The following KCNIP4 variants were observed in gnomAD, a reference collection of about 807,000 sequenced individuals.
KCNIP4 encodes potassium voltage-gated channel interacting protein 4, also known as Kv channel-interacting protein 4.
In KCNIP4, 12 loss-of-function variants were observed where a neutral mutation model predicts 34.0. The ratio of observed to expected loss-of-function variants is 0.35; its 90% CI spans 0.23 to 0.57. The LOEUF is 0.57. KCNIP4 is among the 20% of genes least tolerant of loss of function. The probability of loss-of-function intolerance (pLI) is 0.83; values close to 1 mark genes in which losing one functional copy is unlikely to be tolerated. For synonymous variants in KCNIP4, 124 were observed against 102.2 expected (o/e 1.21, Z -1.29); for missense variants, 238 against 311.7 (o/e 0.76, Z 1.78).
At chr4:21,671,660 C>A (rs1415942918) in intron 1 of KCNIP4, among the ~76,000 whole-genome samples, 1 of 152,088 alleles carries the variant, frequency 6.6e-6, no homozygotes, top group Non-Finnish European at 1.5e-5. Context: ...ATTGATGGAG[C>A]CCCTATTCTG....
intron 1 of KCNIP4, among the ~76,000 whole-genome samples, chr4:21,308,490 C>T (rs1024784222): frequency 1.3e-5 from 2 of 152,098 alleles, no homozygotes; most frequent in Non-Finnish European, 2.9e-5. Flanking sequence ...TCCCCCACAT[C>T]CCAAAGCATC....
chr4:21,832,475 G>T (rs1723046068), intron 1 of KCNIP4, among the ~76,000 whole-genome samples: 1 of 152,074 alleles, frequency 6.6e-6, no homozygotes, highest in Admixed American at 6.6e-5. Flanking sequence ...GGGAAAAAAT[G>T]GTCCTGGGGC....
chr4:21,159,462 C>T lies in KCNIP4; in HGVS notation c.62-276753G>A, dbSNP rs1328575916. The stretch of plus-strand genomic sequence containing the variant: ...CTCCCAGCGTGAGCGACGCAGAAGA[C>T]GGTGATTTCTGCATTTCCATCTGAG... On this transcript the variant is annotated intron_variant, in intron 1 of 8. Coordinates refer to ENST00000382152, the MANE Select transcript of KCNIP4 (RefSeq NM_025221.6). 9.5e-5 allele frequency among the ~76,000 whole-genome samples: 2 copies of T among 21,124 alleles called. 1 individual carries two copies. The highest frequency in any genetic ancestry group is 2.0e-4 in the Non-Finnish European group (2 of 10,242). 13.9% of individuals were successfully genotyped at this position (21,124 alleles called of 152,430 possible).
intron 3 of KCNIP4, among the ~76,000 whole-genome samples, chr4:20,776,458 A>G (rs1364374918): frequency 6.6e-6 from 1 of 152,054 alleles, no homozygotes; most frequent in East Asian, 1.9e-4. Flanking sequence ...TCTCTGTACA[A>G]CCTCTCAAAA....
chr4:20,784,877 T>A (rs994457281), intron 3 of KCNIP4, among the ~76,000 whole-genome samples: 1 of 152,132 alleles, frequency 6.6e-6, no homozygotes, highest in Non-Finnish European at 1.5e-5. Context: ...AATTAAGAGC[T>A]GGGTGACTGC....
rs113381517 is a variant in KCNIP4 at position 21,697,501 on chromosome 4, T to C, written c.61+251070A>G. ...TCTTTGCCAATAATAATAATAATAATAATAAAAAGAGAGTCTCTGAGGAGA... is the reference window on the plus strand; with the variant it reads ...TCTTTGCCAATAATAATAATAATAACAATAAAAAGAGAGTCTCTGAGGAGA... On this transcript the variant is annotated intron_variant, in intron 1 of 8. Transcript: ENST00000382152. The C allele has an allele frequency of 2.4e-3, 3,539 of 1,502,166 alleles. 87 individuals carry two copies. In the African/African-American group the frequency reaches 0.046, roughly 19 times the overall value. The allele number at this position is 1,502,166 out of a possible 1,614,324, so 93.1% of individuals were successfully genotyped here.
intron 1 of KCNIP4, among the ~76,000 whole-genome samples, chr4:21,654,251 A>G (rs1210751261): frequency 2.0e-5 from 3 of 152,196 alleles, no homozygotes; most frequent in Non-Finnish European, 2.9e-5. Context: ...CAGCCCTCAG[A>G]GTATCATATA....
intron 1 of KCNIP4, among the ~76,000 whole-genome samples, chr4:21,684,007 G>GA (rs1393993651): frequency 1.3e-5 from 2 of 151,868 alleles, no homozygotes; most frequent in African/African-American, 2.4e-5. Flanking sequence ...GAGAGGAGCA[G>GA]AAAAAATAAC....
chr4:21,048,985 C>T (rs1047954815), intron 1 of KCNIP4, among the ~76,000 whole-genome samples: 75 of 128,926 alleles, frequency 5.8e-4, no homozygotes, highest in Non-Finnish European at 9.6e-4. Flanking sequence ...GAGTCTCGCT[C>T]TGTCGCCCAG....
chr4:21,879,592 A>C (rs1037106376), intron 1 of KCNIP4, among the ~76,000 whole-genome samples: 1 of 152,232 alleles, frequency 6.6e-6, no homozygotes, highest in African/African-American at 2.4e-5. Flanking sequence ...TATTGTAAAG[A>C]TGTAGAAAAC....
chr4:21,038,140 G>A (rs1741620362), intron 1 of KCNIP4, among the ~76,000 whole-genome samples: 2 of 152,080 alleles, frequency 1.3e-5, no homozygotes, highest in Admixed American at 6.5e-5. Flanking sequence ...ACCACGCCCA[G>A]CTAACTTTTT....
chr4:20,989,293 T>C (rs558587583), intron 1 of KCNIP4, among the ~76,000 whole-genome samples: 6 of 152,276 alleles, frequency 3.9e-5, no homozygotes, highest in Middle Eastern at 3.4e-3. Context: ...CATACAATCT[T>C]TTAGGAATCA....
chr4:21,504,196 A>G (rs1324905684), intron 1 of KCNIP4, among the ~76,000 whole-genome samples: 1 of 152,078 alleles, frequency 6.6e-6, no homozygotes, highest in Admixed American at 6.6e-5. Flanking sequence ...GGCTAGGTGC[A>G]GTGGCTCATG....
At chr4:21,820,071 G>A (rs1002037378) in intron 1 of KCNIP4, among the ~76,000 whole-genome samples, 1 of 151,596 alleles carries the variant, frequency 6.6e-6, no homozygotes, top group African/African-American at 2.4e-5. Flanking sequence ...CACTCTATTA[G>A]TTTGGGTTAG....
At chr4:21,536,240 G>A (rs1483835242) in intron 1 of KCNIP4, among the ~76,000 whole-genome samples, 4 of 152,138 alleles carry the variant, frequency 2.6e-5, no homozygotes, top group Non-Finnish European at 4.4e-5. Flanking sequence ...CTGAGGCTAC[G>A]TATTTGAGAT....
intron 3 of KCNIP4, among the ~76,000 whole-genome samples, chr4:20,821,474 G>C (rs1446530757): frequency 1.3e-5 from 2 of 152,034 alleles, no homozygotes; most frequent in African/African-American, 4.8e-5. Flanking sequence ...AGGAGACTCT[G>C]GACATTATTT....
intron 1 of KCNIP4, among the ~76,000 whole-genome samples, chr4:21,660,038 T>A (rs1394312169): frequency 6.6e-6 from 1 of 152,152 alleles, no homozygotes; most frequent in Non-Finnish European, 1.5e-5. Flanking sequence ...GGCTAGTCCC[T>A]CAATCTACAA....
chr4:21,519,590 A>G (rs1245982817), intron 1 of KCNIP4, among the ~76,000 whole-genome samples: 1 of 88,398 alleles, frequency 1.1e-5, no homozygotes, highest in African/African-American at 4.6e-5. Flanking sequence ...GTGTGTATGT[A>G]TGTGTATATA....
chr4:21,554,712 A>G (rs1260988550), intron 1 of KCNIP4, among the ~76,000 whole-genome samples: 3 of 151,860 alleles, frequency 2.0e-5, no homozygotes, highest in Non-Finnish European at 4.4e-5. Context: ...AGATAAGGTC[A>G]CTCACACTTC....
Sources: gnomAD v4.1 joint callset for allele counts (sites outside exome capture counted in the v4.1 genomes callset) on GRCh38, gnomAD v4.1.1 for gene constraint, MANE v1.5 for transcripts, NCBI Gene and HGNC (gene_info 2026-07-23, HGNC 2026-07-21) for gene names.